Variants in FRAS1 observed in about 807,000 individuals in gnomAD.
FRAS1 encodes Fraser extracellular matrix complex subunit 1.
FRAS1 carries 290 observed loss-of-function variants against 435.2 expected under a neutral mutation model. That is an observed-to-expected ratio of 0.67 (90% confidence interval 0.61 to 0.73). The LOEUF (loss-of-function observed/expected upper bound fraction) is 0.73. Among genes scored for constraint, FRAS1 ranks in the 30% least tolerant of loss-of-function variants. FRAS1 has a pLI of 0.00. For missense variants in FRAS1, 4,860 were observed against 5,001.5 expected (o/e 0.97, Z 0.85); for synonymous variants, 1,800 against 1,851.0 (o/e 0.97, Z 0.71).
At chr4:78,070,659 C>A (rs550963578) in intron 2 of FRAS1, 18 of 152,322 alleles carry the variant, frequency 1.2e-4, no homozygotes, top group African/African-American at 4.1e-4. Context: ...ATAGGTTTAA[C>A]TGTGATGTCC....
chr4:78,306,180 G>T (rs1310642108), intron 14 of FRAS1, among the ~76,000 whole-genome samples: 1 of 151,960 alleles, frequency 6.6e-6, no homozygotes. Flanking sequence ...TAAGAATGTT[G>T]AATATTGGCC....
chr4:78,460,204 A>G (rs1010918633), intron 47 of FRAS1, among the ~76,000 whole-genome samples: 1 of 152,090 alleles, frequency 6.6e-6, no homozygotes, highest in Non-Finnish European at 1.5e-5. Context: ...TAAGAAGGCA[A>G]TTTCTTCAGA....
Position 78,379,911 on chromosome 4 carries a change from G to A in FRAS1, c.3478G>A (p.Val1160Ile). The A allele has an allele frequency of 1.9e-6, 3 of 1,613,942 alleles. No individual in the cohort carries two copies. The highest frequency in any genetic ancestry group is 2.5e-6 in the Non-Finnish European group (3 of 1,179,862). ...QLVLSRNGKE[V>I]QLDKAGRFSW... is the part of the protein sequence containing the mutation. ...AGTGCTCTCAAGAAATGGAAAAGAG[G>A]TTCAGCTGGACAAGGCTGGCCGTTT... Residue 1160 changes from valine to isoleucine, a missense_variant, in exon 27 of 74, where the codon GTT becomes ATT. By Grantham distance (29) the Val-to-Ile change is conservative (BLOSUM62 3). Transcript: ENST00000512123.
At chr4:78,343,712 A>T (rs937945445) in intron 20 of FRAS1, among the ~76,000 whole-genome samples, 2 of 152,214 alleles carry the variant, frequency 1.3e-5, no homozygotes, top group Non-Finnish European at 2.9e-5. Context: ...GAATAAGCTG[A>T]TACAACTGCA....
Position 78,115,055 on chromosome 4 carries a change from G to T in FRAS1, c.108+49039G>T, listed in dbSNP as rs1049846091. On this transcript the variant is annotated intron_variant, in intron 2 of 73. Transcript: ENST00000512123. ...TTAGCATGAAGGATTGTTGAATTTT[G>T]TCAAAGGCCTTTTCTGCACTATTGA... 4.6e-5 allele frequency among the ~76,000 whole-genome samples: 7 copies of T among 152,102 alleles called. No homozygotes were observed. In the East Asian group the frequency reaches 5.8e-4, roughly 13 times the overall value.
chr4:78,400,880 C>G lies in FRAS1; in HGVS notation c.4122C>G (p.Pro1374=). 1 of 1,613,412 alleles carries G rather than the reference C, an allele frequency of 6.2e-7. No homozygotes were observed. Among genetic ancestry groups the G allele is most frequent in the South Asian group, 1.1e-5 (1 of 90,934 alleles). Residue 1374 remains proline, a synonymous_variant, in exon 30 of 74, where the codon CCC becomes CCG. Coordinates refer to ENST00000512123, the MANE Select transcript of FRAS1 (RefSeq NM_025074.7). ...EIIYKITQDY[P]QFGEVVLLVN... Reference sequence around the variant, plus strand: ...TCTACAAGATTACACAAGACTACCCCCAGTTTGGTAACTATTTTTTCCTTT... The same window carrying G: ...TCTACAAGATTACACAAGACTACCCGCAGTTTGGTAACTATTTTTTCCTTT...
chr4:78,335,025 C>T (rs559417900), intron 19 of FRAS1, among the ~76,000 whole-genome samples: 14 of 149,566 alleles, frequency 9.4e-5, no homozygotes, highest in African/African-American at 2.8e-4. Flanking sequence ...CATCCCAAAT[C>T]GCGGGATTAC....
intron 20 of FRAS1, among the ~76,000 whole-genome samples, chr4:78,362,127 G>A (rs990889551): frequency 2.0e-5 from 3 of 152,166 alleles, no homozygotes; most frequent in African/African-American, 4.8e-5. Context: ...GTATTACAGA[G>A]CTACTGTGCA....
At chr4:78,441,443 A>G (rs1425543591) in intron 41 of FRAS1, 146 bp downstream of exon 41, 5 of 796,396 alleles carry the variant, frequency 6.3e-6, no homozygotes, top group Non-Finnish European at 9.9e-6. Context: ...GGAAGGTTTC[A>G]TTCATTCAAC....
intron 68 of FRAS1, 24 bp downstream of exon 68, chr4:78,521,654 T>C: frequency 6.9e-7 from 1 of 1,450,826 alleles, no homozygotes; most frequent in African/African-American, 1.4e-5. Flanking sequence ...CGTTTTTTTT[T>C]TCCAACTTTT....
rs563650360 is a variant in FRAS1, at chr4:78,148,046, A to G, written c.108+82030A>G. Among the ~76,000 whole-genome samples, 8 of 152,334 alleles carry G rather than the reference A, an allele frequency of 5.3e-5. No individual in the cohort carries two copies. The East Asian group carries it at 1.5e-3, about 29-fold the overall frequency. ...TTGTTGTCTGGAATAGTATGTGAAG[A>G]AAATGTCACTTGTTCACTCCAAATC... On this transcript the variant is annotated intron_variant, in intron 2 of 73. Coordinates refer to ENST00000512123, the MANE Select transcript of FRAS1 (RefSeq NM_025074.7).
chr4:78,477,520 A>G (rs547873879), intron 54 of FRAS1, among the ~76,000 whole-genome samples: 1 of 152,302 alleles, frequency 6.6e-6, no homozygotes, highest in South Asian at 2.1e-4. Context: ...AAGTGAGATA[A>G]TAAGACAGGC....
At position 78,057,884 on chromosome 4, in the gene FRAS1, A is replaced by G; in HGVS notation, c.-126A>G. Reference sequence around the variant, plus strand: ...CCGCCCGTCCATCTCTTTTTCCCGGAGGTAAAGGCCCGCGGTCCCCCACCT... The same window carrying G: ...CCGCCCGTCCATCTCTTTTTCCCGGGGGTAAAGGCCCGCGGTCCCCCACCT... On this transcript the variant is annotated 5_prime_UTR_variant, in exon 1 of 74. Transcript: ENST00000512123. This position sits in a 1 kb window ranked among gnomAD's most constrained non-coding sequence, Gnocchi z 4.2. 1.3e-6 allele frequency: 1 copy of G among 764,134 alleles called. No homozygotes were observed. Among genetic ancestry groups the G allele is most frequent in the Non-Finnish European group, 2.2e-6 (1 of 458,484 alleles). 47.3% of individuals were successfully genotyped at this position (764,134 alleles called of 1,614,324 possible).
chr4:78,346,596 G>T (rs1730611865), intron 20 of FRAS1, among the ~76,000 whole-genome samples: 1 of 151,670 alleles, frequency 6.6e-6, no homozygotes, highest in Non-Finnish European at 1.5e-5. Context: ...ATGCTTTGTG[G>T]TTTTGACCCT....
chr4:78,327,406 G>A (rs774584807), intron 18 of FRAS1, among the ~76,000 whole-genome samples: 12 of 152,164 alleles, frequency 7.9e-5, no homozygotes, highest in Non-Finnish European at 1.3e-4. Flanking sequence ...TGATATGAAA[G>A]TAGGGACACT....
chr4:78,157,008 G>A (rs1205219703), intron 2 of FRAS1, among the ~76,000 whole-genome samples: 1 of 152,150 alleles, frequency 6.6e-6, no homozygotes, highest in African/African-American at 2.4e-5. Context: ...TTCACTCTTT[G>A]TTTGCTCTGT....
chr4:78,177,000 C>T (rs939410304), intron 2 of FRAS1, among the ~76,000 whole-genome samples: 2 of 152,302 alleles, frequency 1.3e-5, no homozygotes, highest in Non-Finnish European at 2.9e-5. Context: ...TTATGTCTGT[C>T]CCAACAATTG....
rs138102466 is a variant in FRAS1 at position 78,430,653 on chromosome 4, A to T, written c.4969+236A>T. Among the ~76,000 whole-genome samples the T allele has an allele frequency of 4.5e-3, 692 of 152,192 alleles. 2 individuals are homozygous for T. Among genetic ancestry groups the T allele is most frequent in the Non-Finnish European group, 5.4e-3 (368 of 68,012 alleles). On this transcript the variant is annotated intron_variant, in intron 37 of 73. Transcript: ENST00000512123. ...TTGAACCCTGTGAAACCAGTTCCTT[A>T]AACTATAGGTGAAATGGGTGATTTC...
Position 78,497,098 on chromosome 4 carries a change from A to G in FRAS1, c.9115+137A>G, listed in dbSNP as rs55678967. The G allele has an allele frequency of 6.6e-5, 48 of 728,852 alleles. No homozygotes were observed. In the South Asian group the frequency reaches 8.3e-4, roughly 13 times the overall value. 45.1% of individuals were successfully genotyped at this position (728,852 alleles called of 1,614,324 possible). ...AACATTCTCTGAATATTTATATAAA[A>G]TGTTGGTGGCAAATGATCTCCCTCT... On this transcript the variant is annotated intron_variant, in intron 60 of 73. Coordinates refer to ENST00000512123, the MANE Select transcript of FRAS1 (RefSeq NM_025074.7).
Sources: gnomAD v4.1 joint callset for allele counts (sites outside exome capture counted in the v4.1 genomes callset) on GRCh38, gnomAD v4.1.1 for gene constraint, Gnocchi (gnomAD v3.1) non-coding constraint, MANE v1.5 for transcripts, NCBI Gene and HGNC (gene_info 2026-07-23, HGNC 2026-07-21) for gene names.